Variants in SPTBN1 observed in about 807,000 individuals in gnomAD.
SPTBN1 encodes the protein spectrin beta, non-erythrocytic 1, also known as spectrin beta chain, non-erythrocytic 1.
A neutral mutation model predicts 266.4 loss-of-function variants in SPTBN1; 32 were observed. The ratio of observed to expected loss-of-function variants is 0.12; its 90% CI spans 0.09 to 0.16. The LOEUF is 0.16. Ranked by LOEUF, SPTBN1 falls within the 10% of genes least tolerant of loss-of-function variation. The probability of loss-of-function intolerance (pLI) is 1.00; values close to 1 mark genes in which losing one functional copy is unlikely to be tolerated. For missense variants in SPTBN1, 2,296 were observed against 3,067.1 expected, an observed-to-expected ratio of 0.75 and a Z score of 5.94; for synonymous variants, 1,336 against 1,162.2, an observed-to-expected ratio of 1.15 and a Z score of -3.04.
In SPTBN1 at chr2:54,646,148, G is replaced by A. The variant is rs199898292; in HGVS notation, c.4585-46G>A. The A allele has an allele frequency of 1.2e-5, 19 of 1,592,134 alleles. No individual in the cohort carries two copies. The highest frequency in any genetic ancestry group is 6.7e-5 in the East Asian group (3 of 44,588). ...TAACAGCTTGACATAAGCAGCAGAC[G>A]GCTGCCATTTAGCAAGCCTTTGTGT... On this transcript the variant is annotated intron_variant, in intron 22 of 35. Coordinates refer to ENST00000356805, the MANE Select transcript of SPTBN1 (RefSeq NM_003128.3). This position sits in a 1 kb window ranked among gnomAD's most constrained non-coding sequence, Gnocchi z 4.4.
intron 1 of SPTBN1, among the ~76,000 whole-genome samples, chr2:54,474,071 A>G (rs983095756): frequency 1.3e-5 from 2 of 152,218 alleles, no homozygotes; most frequent in African/African-American, 4.8e-5. Context: ...GGTGAGGCCC[A>G]CATGGAAGTT....
intron 2 of SPTBN1, among the ~76,000 whole-genome samples, chr2:54,594,833 C>CTTTTTTTTTTTTTTTTTTTTTTTTTTTTT (rs71408777): frequency 4.8e-5 from 5 of 104,674 alleles, no homozygotes; most frequent in African/African-American, 2.5e-4. Context: ...TGGTAAGTTT[C>CTTTTTTTTTTTTTTTTTTTTTTTTTTTTT]TTTTTTTTTT....
At chr2:54,553,965 GTC>G (rs1672723110) in intron 2 of SPTBN1, among the ~76,000 whole-genome samples, 1 of 152,104 alleles carries the variant, frequency 6.6e-6, no homozygotes, top group South Asian at 2.1e-4. Flanking sequence ...TAGTGTACAG[GTC>G]CACCAAGTAT....
chr2:54,659,915 T>C, intron 31 of SPTBN1, 21 bp from the exon 32 acceptor site: 1 of 1,610,118 alleles, frequency 6.2e-7, no homozygotes, highest in Non-Finnish European at 8.5e-7. Context: ...CCCTTCCTCC[T>C]TTTCCCCTCT....
chr2:54,532,056 G>C (rs1337598912), intron 2 of SPTBN1, among the ~76,000 whole-genome samples: 1 of 152,134 alleles, frequency 6.6e-6, no homozygotes, highest in African/African-American at 2.4e-5. Flanking sequence ...TTGGGAGGCC[G>C]AGGCTGGTGG....
In SPTBN1 at chr2:54,629,352, C is replaced by G; in HGVS notation, c.2218C>G (p.Leu740Val). 6.2e-7 allele frequency: 1 copy of G among 1,614,078 alleles called. No homozygotes were observed. The highest frequency in any genetic ancestry group is 8.5e-7 in the Non-Finnish European group (1 of 1,180,012). ...GCTCTCGGCCATTCGGAAGAAGCGC[C>G]TGGAGGAGGCCTCCCTGCTGCACCA... The part of the protein sequence containing the change: ...EQLSAIRKKR[L>V]EEASLLHQFQ... Residue 740 changes from leucine to valine, a missense_variant, in exon 14 of 36, where the codon CTG (leucine) becomes GTG (valine). Transcript: ENST00000356805.
At chr2:54,588,865 C>CA (rs1675478261) in intron 2 of SPTBN1, among the ~76,000 whole-genome samples, 1 of 152,110 alleles carries the variant, frequency 6.6e-6, no homozygotes, top group South Asian at 2.1e-4. Context: ...TGTTTTTTTA[C>CA]ATTTGCTTTT....
chr2:54,469,526 C>A (rs1693810888), intron 1 of SPTBN1, among the ~76,000 whole-genome samples: 1 of 152,124 alleles, frequency 6.6e-6, no homozygotes, highest in Non-Finnish European at 1.5e-5. Flanking sequence ...TGGCCAAAGC[C>A]CATCAAGGGA....
At chr2:54,598,248 C>T (rs1461089836) in intron 2 of SPTBN1, among the ~76,000 whole-genome samples, 2 of 152,190 alleles carry the variant, frequency 1.3e-5, no homozygotes, top group South Asian at 4.1e-4. Flanking sequence ...GAATGTACAA[C>T]AATCACGCTT....
At chr2:54,625,096 G>A in intron 11 of SPTBN1, 134 bp downstream of exon 11, 2 of 1,029,664 alleles carry the variant, frequency 1.9e-6, no homozygotes, top group Non-Finnish European at 2.7e-6. Flanking sequence ...GGTCACCTTG[G>A]CCCCTTCCCA....
At chr2:54,604,536 T>C (rs1676708614) in intron 3 of SPTBN1, among the ~76,000 whole-genome samples, 1 of 152,098 alleles carries the variant, frequency 6.6e-6, no homozygotes. Context: ...CCCTCCTTCC[T>C]CTCTAAGGGT....
At chr2:54,506,078 C>A (rs963153297) in intron 1 of SPTBN1, among the ~76,000 whole-genome samples, 1 of 151,882 alleles carries the variant, frequency 6.6e-6, no homozygotes, top group Non-Finnish European at 1.5e-5. Context: ...GAGCCAAGAT[C>A]GCGCCACTGC....
chr2:54,530,913 C>A lies in SPTBN1; in HGVS notation c.148+4347C>A, dbSNP rs535387036. Among the ~76,000 whole-genome samples, 247 of 152,188 alleles carry A rather than the reference C, an allele frequency of 1.6e-3. 10 individuals are homozygous for A. In the South Asian group the frequency reaches 0.047, roughly 29 times the overall value. ...GGTGGGGATAGTCTCCCATCCCTAG[C>A]TAGCCTCAGGATGATGCTGTGCACC... On this transcript the variant is annotated intron_variant, in intron 2 of 35. Coordinates refer to ENST00000356805, the MANE Select transcript of SPTBN1 (RefSeq NM_003128.3).
intron 1 of SPTBN1, among the ~76,000 whole-genome samples, chr2:54,462,975 G>T (rs142734480): frequency 6.6e-6 from 1 of 152,332 alleles, no homozygotes; most frequent in African/African-American, 2.4e-5. Context: ...TTAAGCTCCT[G>T]TACACTTCTA....
intron 33 of SPTBN1, among the ~76,000 whole-genome samples, chr2:54,665,512 C>T (rs562387982): frequency 3.3e-5 from 5 of 152,270 alleles, no homozygotes; most frequent in Middle Eastern, 3.4e-3. Context: ...GTAATGAATC[C>T]GCAGCTGGAG....
At chr2:54,525,190 C>T (rs1670724984) in intron 1 of SPTBN1, among the ~76,000 whole-genome samples, 1 of 152,072 alleles carries the variant, frequency 6.6e-6, no homozygotes, top group Non-Finnish European at 1.5e-5. Flanking sequence ...GAATAGCAAG[C>T]GTGTATTGAG....
chr2:54,634,538 A>C (rs1678981376), intron 17 of SPTBN1, among the ~76,000 whole-genome samples: 1 of 152,184 alleles, frequency 6.6e-6, no homozygotes, highest in Non-Finnish European at 1.5e-5. Context: ...ATTGATGTTA[A>C]CTGAATTCTG....
At chr2:54,512,517 A>C (rs920282772) in intron 1 of SPTBN1, among the ~76,000 whole-genome samples, 26 of 152,228 alleles carry the variant, frequency 1.7e-4, no homozygotes, top group African/African-American at 6.3e-4. Flanking sequence ...TATTTTACAA[A>C]GAGAAATGAT....
intron 1 of SPTBN1, among the ~76,000 whole-genome samples, chr2:54,472,250 A>C (rs1017852845): frequency 2.0e-5 from 3 of 152,016 alleles, no homozygotes; most frequent in African/African-American, 7.3e-5. Flanking sequence ...GATGGTCTCG[A>C]TCTCTTGACC....
Sources: gnomAD v4.1 joint callset for allele counts (sites outside exome capture counted in the v4.1 genomes callset) on GRCh38, gnomAD v4.1.1 for gene constraint, Gnocchi (gnomAD v3.1) non-coding constraint, MANE v1.5 for transcripts, NCBI Gene and HGNC (gene_info 2026-07-23, HGNC 2026-07-21) for gene names.